Variants in PCDHGA12 observed in about 807,000 individuals in gnomAD.
PCDHGA12 encodes protocadherin gamma-A12.
PCDHGA12 carries 43 observed loss-of-function variants against 61.1 expected under a neutral mutation model. That is an observed-to-expected ratio of 0.70 (90% CI 0.55 to 0.91). PCDHGA12 has a LOEUF of 0.91. PCDHGA12 is among the 40% of genes least tolerant of loss of function. The pLI, the probability that PCDHGA12 is intolerant of heterozygous loss-of-function variation, is 0.00. For synonymous variants in PCDHGA12, 520 were observed against 542.9 expected (o/e 0.96, Z 0.59); for missense variants, 1,236 against 1,227.7 (o/e 1.01, Z -0.10).
Position 141,491,620 on chromosome 5 carries a change from A to C in PCDHGA12, c.2425-3187A>C. On this transcript the variant is annotated intron_variant, in intron 1 of 3. Coordinates refer to ENST00000252085, the MANE Select transcript of PCDHGA12 (RefSeq NM_003735.3). This position sits in a 1 kb window ranked among gnomAD's most constrained non-coding sequence, Gnocchi z 6.9. ...TGACTTCACTTTTCTAAGACCCCTC[A>C]GCGTTCAGCAGCCCACAGCTCTGGC... is the stretch of plus-strand genomic sequence containing the variant. 6.2e-7 allele frequency: 1 copy of C among 1,613,906 alleles called. No individual in the cohort carries two copies. The highest frequency in any genetic ancestry group is 1.1e-5 in the South Asian group (1 of 91,084).
At chr5:141,473,682 G>A (rs2099326903) in intron 1 of PCDHGA12, among the ~76,000 whole-genome samples, 1 of 152,186 alleles carries the variant, frequency 6.6e-6, no homozygotes, top group Admixed American at 6.5e-5. Context: ...GGGAAGGGCT[G>A]GGGTTCTGAC....
intron 1 of PCDHGA12, among the ~76,000 whole-genome samples, chr5:141,444,482 T>G (rs1346576719): frequency 6.6e-6 from 1 of 152,000 alleles, no homozygotes; most frequent in Non-Finnish European, 1.5e-5. Context: ...CGTACTGGAT[T>G]TATATTGTGT....
Position 141,508,665 on chromosome 5 carries a change from C to T in PCDHGA12, c.2573-2282C>T, listed in dbSNP as rs181641281. ...CGTCAGGCCCTTCCTGTCATTCTGT[C>T]TCTGCCTCCCTTCTCCCTGCTTCTC... On this transcript the variant is annotated intron_variant, in intron 3 of 3. Coordinates refer to ENST00000252085, the MANE Select transcript of PCDHGA12 (RefSeq NM_003735.3). Among the ~76,000 whole-genome samples the T allele has an allele frequency of 3.7e-3, 564 of 152,254 alleles. 5 individuals carry two copies. Among genetic ancestry groups the T allele is most frequent in the Admixed American group, 0.011 (164 of 15,296 alleles).
rs35224477 is a variant in PCDHGA12, at chr5:141,464,263, TA to T, written c.2425-30530del. On this transcript the variant is annotated intron_variant, in intron 1 of 3. Coordinates refer to ENST00000252085, the MANE Select transcript of PCDHGA12 (RefSeq NM_003735.3). ...CTGGGCTACAGAGCGAGACTCCGTC[TA>T]AAAAAAAAAAAAAGCAAAAAAAAAA... Among the ~76,000 whole-genome samples, 390 of 103,506 alleles carry T rather than the reference TA, an allele frequency of 3.8e-3. 1 individual carries two copies. Among genetic ancestry groups the T allele is most frequent in the Admixed American group, 4.7e-3 (45 of 9,486 alleles). 67.9% of individuals were successfully genotyped at this position (103,506 alleles called of 152,430 possible). A position where few individuals can be genotyped will look rare whatever the true frequency, so the allele number is the denominator to read the frequency against.
chr5:141,449,154 A>G (rs2098630387), intron 1 of PCDHGA12, among the ~76,000 whole-genome samples: 1 of 152,180 alleles, frequency 6.6e-6, no homozygotes, highest in African/African-American at 2.4e-5. Flanking sequence ...TGGGTCAAAG[A>G]GGAAATAGGT....
intron 1 of PCDHGA12, chr5:141,468,354 GA>G (rs910554966): frequency 7.0e-6 from 1 of 143,440 alleles, no homozygotes. Context: ...AAAAAAGAAA[GA>G]AAAAAGAAAT....
Position 141,510,942 on chromosome 5 carries a change from T to C in PCDHGA12, c.2573-5T>C, listed in dbSNP as rs769766039. On this transcript the variant is annotated splice_region_variant and splice_polypyrimidine_tract_variant and intron_variant, in intron 3 of 3. Transcript: ENST00000252085. ...CTCCCACCTGATCTTCCTCTGTCTCTGCAGAAGCTGCTGATGGGAGCTCCA... is the reference window on the plus strand; with the variant it reads ...CTCCCACCTGATCTTCCTCTGTCTCCGCAGAAGCTGCTGATGGGAGCTCCA... 5 of 1,613,984 alleles carry C rather than the reference T, an allele frequency of 3.1e-6. No homozygotes were observed. The highest frequency in any genetic ancestry group is 4.2e-6 in the Non-Finnish European group (5 of 1,180,014).
chr5:141,469,697 T>G (rs2154570403), intron 1 of PCDHGA12, among the ~76,000 whole-genome samples: 1 of 152,392 alleles, frequency 6.6e-6, no homozygotes, highest in African/African-American at 2.4e-5. Context: ...TCCTATGACC[T>G]AGTAATCACA....
At chr5:141,479,798 G>A (rs892288776) in intron 1 of PCDHGA12, among the ~76,000 whole-genome samples, 3 of 152,116 alleles carry the variant, frequency 2.0e-5, no homozygotes, top group African/African-American at 7.2e-5. Flanking sequence ...ATTAATTCAG[G>A]GTGGTATGCA....
intron 1 of PCDHGA12, among the ~76,000 whole-genome samples, chr5:141,433,789 A>G (rs1388423731): frequency 6.7e-6 from 1 of 148,972 alleles, no homozygotes; most frequent in Non-Finnish European, 1.5e-5. Flanking sequence ...ATGAGCTGAG[A>G]TTGTGCCATT....
rs909255357 is a variant in PCDHGA12 at position 141,489,178 on chromosome 5, C to A, written c.2425-5629C>A. 5 of 1,234,744 alleles carry A rather than the reference C, an allele frequency of 4.0e-6. No individual in the cohort carries two copies. The highest frequency in any genetic ancestry group is 2.3e-5 in the Admixed American group (1 of 42,922). The allele number at this position is 1,234,744 out of a possible 1,614,324, so 76.5% of individuals were successfully genotyped here. Reference sequence around the variant, plus strand: ...GAGACTTCAGCTGCTGCATTCCAAGCCCTGGGTCTACCTTGGAGACAGGAC... The same window carrying A: ...GAGACTTCAGCTGCTGCATTCCAAGACCTGGGTCTACCTTGGAGACAGGAC... On this transcript the variant is annotated intron_variant, in intron 1 of 3. Transcript: ENST00000252085. This position sits in a 1 kb window ranked among gnomAD's most constrained non-coding sequence, Gnocchi z 4.5.
chr5:141,449,528 G>C (rs1298713821), intron 1 of PCDHGA12, among the ~76,000 whole-genome samples: 1 of 149,040 alleles, frequency 6.7e-6, no homozygotes, highest in African/African-American at 2.5e-5. Context: ...GGCGGAGGTT[G>C]CAGTGAGCCG....
At position 141,494,820 on chromosome 5, in the gene PCDHGA12, A is replaced by G; in HGVS notation, c.2438A>G (p.Asn813Ser). ...TTTTCTCCACAGCAAGCCCCGCCCA[A>G]CACGGACTGGCGTTTCTCTCAGGCC... ...SHGLIEQAPP[N>S]TDWRFSQAQR... Residue 813 changes from asparagine to serine, a missense_variant, in exon 2 of 4, where the codon AAC becomes AGC. By Grantham distance (46) the Asn-to-Ser change is conservative. Transcript: ENST00000252085. 1.2e-6 allele frequency: 2 copies of G among 1,613,988 alleles called. No individual in the cohort carries two copies. Among genetic ancestry groups the G allele is most frequent in the Middle Eastern group, 1.6e-4 (1 of 6,062 alleles).
chr5:141,467,693 G>A lies in PCDHGA12; in HGVS notation c.2425-27114G>A, dbSNP rs543886467. Among the ~76,000 whole-genome samples the A allele has an allele frequency of 2.0e-4, 30 of 152,110 alleles. No individual in the cohort carries two copies. In the South Asian group the frequency reaches 5.6e-3, roughly 28 times the overall value. On this transcript the variant is annotated intron_variant, in intron 1 of 3. Transcript: ENST00000252085. ...TTTTATTTTTTTTAGACAGGGTCTGGCTCTGTTGCCCAGGCTGGAGTGTAG... is the reference window on the plus strand; with the variant it reads ...TTTTATTTTTTTTAGACAGGGTCTGACTCTGTTGCCCAGGCTGGAGTGTAG...
chr5:141,472,132 A>C (rs1004365239), intron 1 of PCDHGA12, among the ~76,000 whole-genome samples: 3 of 152,272 alleles, frequency 2.0e-5, no homozygotes, highest in African/African-American at 7.2e-5. Flanking sequence ...GAGAAGTTAA[A>C]AATAAAAGTT....
At chr5:141,453,351 C>T (rs1210851703) in intron 1 of PCDHGA12, among the ~76,000 whole-genome samples, 3 of 151,738 alleles carry the variant, frequency 2.0e-5, no homozygotes, top group African/African-American at 7.3e-5. Context: ...CCAGGCTGAC[C>T]CTGAACTCCT....
Position 141,476,790 on chromosome 5 carries a change from C to T in PCDHGA12, c.2425-18017C>T. ...TTGGACGGAGGGACCCCAGCTCTCT[C>T]CGCCAGCCTGCCTATTCACATCAAG... On this transcript the variant is annotated intron_variant, in intron 1 of 3. Coordinates refer to ENST00000252085, the MANE Select transcript of PCDHGA12 (RefSeq NM_003735.3). This position sits in a 1 kb window ranked among gnomAD's most constrained non-coding sequence, Gnocchi z 7.6. 1 of 1,613,606 alleles carries T rather than the reference C, an allele frequency of 6.2e-7. No homozygotes were observed. Among genetic ancestry groups the T allele is most frequent in the South Asian group, 1.1e-5 (1 of 91,084 alleles).
At position 141,490,908 on chromosome 5, in the gene PCDHGA12, C is replaced by G; in HGVS notation, c.2425-3899C>G. On this transcript the variant is annotated intron_variant, in intron 1 of 3. Transcript: ENST00000252085. This position sits in a 1 kb window ranked among gnomAD's most constrained non-coding sequence, Gnocchi z 5.4. ...CATCTCTGCATGTGTTTGTCCTAGA[C>G]GAGAATGATAATGCCCCAGCTGTGC... The G allele has an allele frequency of 6.2e-7, 1 of 1,613,710 alleles. No individual in the cohort carries two copies. Among genetic ancestry groups the G allele is most frequent in the Non-Finnish European group, 8.5e-7 (1 of 1,179,754 alleles).
rs188373658 is a variant in PCDHGA12 at position 141,492,228 on chromosome 5, C to T, written c.2425-2579C>T. ...TGCGCGCGGGGCTCATGCGTGTCCT[C>T]CCTGCTGGCCACCCCCACGGCCCAC... On this transcript the variant is annotated intron_variant, in intron 1 of 3. Coordinates refer to ENST00000252085, the MANE Select transcript of PCDHGA12 (RefSeq NM_003735.3). Among the ~76,000 whole-genome samples the T allele has an allele frequency of 5.3e-5, 8 of 152,292 alleles. No individual in the cohort carries two copies. In the East Asian group the frequency reaches 1.2e-3, roughly 22 times the overall value.
Sources: gnomAD v4.1 joint callset for allele counts (sites outside exome capture counted in the v4.1 genomes callset) on GRCh38, gnomAD v4.1.1 for gene constraint, Gnocchi (gnomAD v3.1) non-coding constraint, MANE v1.5 for transcripts, NCBI Gene and HGNC (gene_info 2026-07-23, HGNC 2026-07-21) for gene names.